The following SLC22A15 variants were observed in gnomAD, a reference collection of about 807,000 sequenced individuals.
The protein encoded by SLC22A15 is solute carrier family 22 member 15, also known as flipt 1.
SLC22A15 carries 45 observed loss-of-function variants against 62.7 expected under a neutral mutation model. The observed-to-expected ratio is 0.72, with a 90% CI of 0.56 to 0.92. The LOEUF is 0.92. Among genes scored for constraint, SLC22A15 ranks in the 40% least tolerant of loss-of-function variants. The pLI, the probability that SLC22A15 is intolerant of heterozygous loss-of-function variation, is 0.00. For missense variants in SLC22A15, 622 were observed against 665.6 expected (o/e 0.93, Z 0.72); for synonymous variants, 264 against 267.0 (o/e 0.99, Z 0.11).
At chr1:116,049,618 C>T (rs1215602005) in intron 8 of SLC22A15, among the ~76,000 whole-genome samples, 2 of 152,100 alleles carry the variant, frequency 1.3e-5, no homozygotes, top group Non-Finnish European at 2.9e-5. Context: ...GAGGAAAGTT[C>T]ATACCCCTAA....
chr1:116,054,888 G>C (rs1308296684), intron 8 of SLC22A15, among the ~76,000 whole-genome samples: 3 of 151,734 alleles, frequency 2.0e-5, no homozygotes, highest in African/African-American at 4.8e-5. Context: ...CAGAATCTCT[G>C]GGACACATTC....
At chr1:116,057,859 A>G (rs1268990534) in intron 8 of SLC22A15, among the ~76,000 whole-genome samples, 3 of 152,270 alleles carry the variant, frequency 2.0e-5, no homozygotes, top group Middle Eastern at 3.4e-3. Flanking sequence ...TTGAACAATG[A>G]GAACACATGG....
intron 2 of SLC22A15, among the ~76,000 whole-genome samples, chr1:116,007,857 C>G (rs957201057): frequency 6.6e-6 from 1 of 152,120 alleles, no homozygotes; most frequent in African/African-American, 2.4e-5. Flanking sequence ...AGAATAGAAG[C>G]CTTTAGTTTT....
chr1:115,981,658 G>A (rs921256438), intron 1 of SLC22A15, among the ~76,000 whole-genome samples: 1 of 152,182 alleles, frequency 6.6e-6, no homozygotes, highest in African/African-American at 2.4e-5. Context: ...TAGAGATACA[G>A]GAGGCCTCCA....
intron 5 of SLC22A15, among the ~76,000 whole-genome samples, chr1:116,028,791 C>G (rs1464826599): frequency 6.6e-6 from 1 of 152,160 alleles, no homozygotes; most frequent in Non-Finnish European, 1.5e-5. Flanking sequence ...CTTTTCTGCT[C>G]CATGCTGCTA....
chr1:116,007,227 TG>T (rs1296394685), intron 2 of SLC22A15, among the ~76,000 whole-genome samples: 3 of 152,134 alleles, frequency 2.0e-5, no homozygotes, highest in African/African-American at 7.2e-5. Context: ...CAGAACAACA[TG>T]GGGAGCAGGG....
At chr1:116,033,755 A>G (rs1657528477) in intron 6 of SLC22A15, among the ~76,000 whole-genome samples, 1 of 152,220 alleles carries the variant, frequency 6.6e-6, no homozygotes, top group Non-Finnish European at 1.5e-5. Flanking sequence ...GCTTTCATGC[A>G]AGATACCTGG....
At chr1:115,991,218 C>T (rs1247097957) in intron 1 of SLC22A15, among the ~76,000 whole-genome samples, 1 of 152,132 alleles carries the variant, frequency 6.6e-6, no homozygotes, top group Admixed American at 6.5e-5. Context: ...TGCAATAGGG[C>T]TTGACTTATA....
intron 5 of SLC22A15, among the ~76,000 whole-genome samples, chr1:116,030,625 C>T (rs1034958146): frequency 6.6e-6 from 1 of 152,130 alleles, no homozygotes; most frequent in African/African-American, 2.4e-5. Context: ...AATTATCCAA[C>T]ACTTTGTAGT....
In SLC22A15 at chr1:116,026,999, A is replaced by G; in HGVS notation, c.705A>G (p.Gly235=). The G allele has an allele frequency of 6.2e-7, 1 of 1,613,768 alleles. No individual in the cohort carries two copies. The highest frequency in any genetic ancestry group is 8.5e-7 in the Non-Finnish European group (1 of 1,179,786). The change falls in exon 5 of 12, where the codon GGA becomes GGG. Residue 235 remains glycine, a synonymous_variant. Transcript: ENST00000369503. ...RTLAILVNLQ[G]TVVFLLSLFI... The stretch of plus-strand genomic sequence containing the variant: ...TAGCCATTCTGGTTAACCTGCAGGG[A>G]ACGGTGGTCTTTCTCTTATCTTTGT...
At chr1:116,029,688 G>A (rs1446757195) in intron 5 of SLC22A15, among the ~76,000 whole-genome samples, 2 of 152,162 alleles carry the variant, frequency 1.3e-5, no homozygotes, top group African/African-American at 4.8e-5. Context: ...AAGCCTTCGT[G>A]TCTCTCAAAT....
intron 2 of SLC22A15, among the ~76,000 whole-genome samples, chr1:115,993,084 G>C (rs1459416191): frequency 6.6e-6 from 1 of 152,188 alleles, no homozygotes. Flanking sequence ...GCCAGCCAGA[G>C]GTAAAGAATC....
rs115493134 is a variant in SLC22A15, at chr1:116,003,342, C to G, written c.300+11099C>G. ...TCCCTTGGCTACCCAAGCTGGTGTC[C>G]CACTGGATCATGTGCATCCCAAGTC... On this transcript the variant is annotated intron_variant, in intron 2 of 11. Transcript: ENST00000369503. 3.6e-3 allele frequency among the ~76,000 whole-genome samples: 544 copies of G among 152,284 alleles called. 6 individuals carry two copies. The highest frequency in any genetic ancestry group is 0.013 in the African/African-American group (528 of 41,562).
intron 2 of SLC22A15, among the ~76,000 whole-genome samples, chr1:116,016,574 C>G (rs1167344784): frequency 2.0e-5 from 3 of 152,168 alleles, no homozygotes; most frequent in Non-Finnish European, 4.4e-5. Context: ...GAGCTTGACT[C>G]CCAGCCAAAT....
intron 1 of SLC22A15, among the ~76,000 whole-genome samples, chr1:115,989,403 G>T (rs1655039124): frequency 6.6e-6 from 1 of 152,022 alleles, no homozygotes; most frequent in African/African-American, 2.4e-5. Flanking sequence ...CTTCATAATG[G>T]ACCATGCCTC....
In SLC22A15 at chr1:115,976,633, G is replaced by A. The variant is rs1654298774; in HGVS notation, c.6G>A (p.Glu2=). 6.3e-7 allele frequency: 1 copy of A among 1,581,378 alleles called. No individual in the cohort carries two copies. Among genetic ancestry groups the A allele is most frequent in the Non-Finnish European group, 8.6e-7 (1 of 1,166,912 alleles). Residue 2 remains glutamate (E), a synonymous_variant, in exon 1 of 12, where the codon GAG becomes GAA. Coordinates refer to ENST00000369503, the MANE Select transcript of SLC22A15 (RefSeq NM_018420.3). M[E]VEEAFQAVGE... is the part of the protein sequence containing the mutation. Reference sequence around the variant, plus strand: ...GTTCCTGCGCGCGGCCCGCCATGGAGGTGGAGGAGGCGTTCCAGGCGGTGG... The same window carrying A: ...GTTCCTGCGCGCGGCCCGCCATGGAAGTGGAGGAGGCGTTCCAGGCGGTGG...
At chr1:116,059,982 T>C (rs1259647499) in intron 8 of SLC22A15, among the ~76,000 whole-genome samples, 1 of 152,230 alleles carries the variant, frequency 6.6e-6, no homozygotes, top group Non-Finnish European at 1.5e-5. Context: ...ATTTCCTTTT[T>C]TAAAAAGATA....
intron 8 of SLC22A15, among the ~76,000 whole-genome samples, chr1:116,053,412 C>A (rs1328187504): frequency 6.6e-6 from 1 of 152,128 alleles, no homozygotes; most frequent in Admixed American, 6.6e-5. Flanking sequence ...TGTGAAAAAA[C>A]CAAATCTATG....
chr1:116,037,450 A>G, intron 8 of SLC22A15, 62 bp downstream of exon 8: 1 of 1,218,976 alleles, frequency 8.2e-7, no homozygotes, highest in Non-Finnish European at 1.2e-6. Context: ...GAATCATAAT[A>G]TAGTGGAGAG....
Sources: gnomAD v4.1 joint callset for allele counts (sites outside exome capture counted in the v4.1 genomes callset) on GRCh38, gnomAD v4.1.1 for gene constraint, MANE v1.5 for transcripts, NCBI Gene and HGNC (gene_info 2026-07-23, HGNC 2026-07-21) for gene names.